GVQW3: variants seen among roughly 807,000 people sequenced by gnomAD.
GVQW3 encodes protein GVQW3.
In GVQW3, 7 loss-of-function variants were observed where a neutral mutation model predicts 12.5. The observed-to-expected ratio is 0.56, with a 90% confidence interval of 0.32 to 1.05. GVQW3 has a LOEUF of 1.05. Ranked by LOEUF, GVQW3 falls within the 50% of genes least tolerant of loss-of-function variation. The pLI is 0.04. For synonymous variants in GVQW3, 71 were observed against 67.2 expected, an observed-to-expected ratio of 1.06 and a Z score of -0.28; for missense variants, 188 against 190.8, an observed-to-expected ratio of 0.99 and a Z score of 0.09.
chr11:76,386,333 G>T (rs1946833103), intron 1 of GVQW3, among the ~76,000 whole-genome samples: 1 of 152,130 alleles, frequency 6.6e-6, no homozygotes, highest in African/African-American at 2.4e-5. Context: ...ACATGTGGAG[G>T]GTTCTGCCAT....
At chr11:76,388,698 CTT>C (rs887503158) in intron 1 of GVQW3, among the ~76,000 whole-genome samples, 10 of 152,120 alleles carry the variant, frequency 6.6e-5, no homozygotes, top group African/African-American at 2.4e-4. Context: ...ACTCTTCACT[CTT>C]GCAAATTTTC....
At chr11:76,414,350 C>A (rs1339064688) in exon 2 of GVQW3, 1 of 152,036 alleles carries the variant, frequency 6.6e-6, no homozygotes, top group East Asian at 1.9e-4. Context: ...TCCAATCCCC[C>A]CAAGCAGAGT....
rs1474750226 is a variant in GVQW3 at position 76,406,635 on chromosome 11, T to A, written c.*2877T>A. 1.3e-5 allele frequency: 2 copies of A among 152,242 alleles called. No individual in the cohort carries two copies. Among genetic ancestry groups the A allele is most frequent in the Non-Finnish European group, 2.9e-5 (2 of 68,046 alleles). 9.4% of individuals were successfully genotyped at this position (152,242 alleles called of 1,614,324 possible). A position where few individuals can be genotyped will look rare whatever the true frequency, so the allele number is the denominator to read the frequency against. The stretch of plus-strand genomic sequence containing the variant: ...AAAACAGAATCTATTGTAATTTAGA[T>A]GCAAAAGAATGTGTTGTCTGCTTTG... On this transcript the variant is annotated 3_prime_UTR_variant, in exon 2 of 2. Transcript: ENST00000529331.
downstream of GVQW3, chr11:76,412,161 C>T (rs1331826417): frequency 6.6e-6 from 1 of 152,182 alleles, no homozygotes; most frequent in East Asian, 1.9e-4. Flanking sequence ...TGTGAGGGAT[C>T]GGAGTTGGAT....
Position 76,382,505 on chromosome 11 carries a change from C to A in GVQW3, c.465+212C>A, listed in dbSNP as rs2134530048. The A allele has an allele frequency of 4.9e-6, 3 of 614,848 alleles. No individual in the cohort carries two copies. The South Asian group carries it at 5.7e-5, about 12-fold the overall frequency. The allele number at this position is 614,848 out of a possible 1,614,324, so 38.1% of individuals were successfully genotyped here. A position where few individuals can be genotyped will look rare whatever the true frequency, so the allele number is the denominator to read the frequency against. On this transcript the variant is annotated intron_variant, in intron 1 of 1. Coordinates refer to ENST00000529331, the MANE Select transcript of GVQW3 (RefSeq NM_001347885.2). ...GAACCAGAACTAGGATGCTGCCTCACTGTTAGGCACCTTCTTTGGCTGCTC... is the reference window on the plus strand; with the variant it reads ...GAACCAGAACTAGGATGCTGCCTCAATGTTAGGCACCTTCTTTGGCTGCTC...
rs759337502 is a variant in GVQW3, at chr11:76,407,059, C to T, written c.*3301C>T. On this transcript the variant is annotated 3_prime_UTR_variant, in exon 2 of 2. Transcript: ENST00000529331. ...AAATAAATAAATAAATATGCCCTCC[C>T]AGGTTGACATCTTGGAAGAGGATAA... 1 of 151,902 alleles carries T rather than the reference C, an allele frequency of 6.6e-6. No homozygotes were observed. The highest frequency in any genetic ancestry group is 1.5e-5 in the Non-Finnish European group (1 of 67,970). The allele number at this position is 151,902 out of a possible 1,614,324, so 9.4% of individuals were successfully genotyped here.
chr11:76,381,661 G>A lies in GVQW3; in HGVS notation c.-168G>A. 1 of 634,554 alleles carries A rather than the reference G, an allele frequency of 1.6e-6. No homozygotes were observed. Among genetic ancestry groups the A allele is most frequent in the East Asian group, 2.9e-5 (1 of 34,768 alleles). The allele number at this position is 634,554 out of a possible 1,614,324, so 39.3% of individuals were successfully genotyped here. A position where few individuals can be genotyped will look rare whatever the true frequency, so the allele number is the denominator to read the frequency against. ...GAACGGATCTCCCCAGCCTCGACTGGAAGCTGAGGGACAAAAATTCATAAA... is the reference window on the plus strand; with the variant it reads ...GAACGGATCTCCCCAGCCTCGACTGAAAGCTGAGGGACAAAAATTCATAAA... On this transcript the variant is annotated 5_prime_UTR_variant, in exon 1 of 2. Transcript: ENST00000529331.
chr11:76,381,700 T>G lies in GVQW3; in HGVS notation c.-129T>G, dbSNP rs1946770101. The G allele has an allele frequency of 3.4e-6, 3 of 876,638 alleles. No homozygotes were observed. The African/African-American group carries it at 5.1e-5, about 15-fold the overall frequency. The allele number at this position is 876,638 out of a possible 1,614,324, so 54.3% of individuals were successfully genotyped here. A position where few individuals can be genotyped will look rare whatever the true frequency, so the allele number is the denominator to read the frequency against. On this transcript the variant is annotated 5_prime_UTR_variant, in exon 1 of 2. Transcript: ENST00000529331. ...AAAATTCATAAAAGCAATTACTCTT[T>G]CCCGGCGAGGCTTCTAGAAGAGCAA... is the stretch of plus-strand genomic sequence containing the variant.
At chr11:76,386,148 A>G (rs1946831496) in intron 1 of GVQW3, among the ~76,000 whole-genome samples, 1 of 152,196 alleles carries the variant, frequency 6.6e-6, no homozygotes, top group South Asian at 2.1e-4. Context: ...GGAATGTTTT[A>G]TGCCACAGCT....
At chr11:76,411,979 C>T (rs1947082701), downstream of GVQW3, 1 of 152,244 alleles carries the variant, frequency 6.6e-6, no homozygotes, top group Admixed American at 6.5e-5. Context: ...ATAGCTTTAA[C>T]TCTCTTCCTC....
chr11:76,402,334 C>T (rs1175388115), intron 1 of GVQW3, among the ~76,000 whole-genome samples: 6 of 152,120 alleles, frequency 3.9e-5, no homozygotes, highest in Non-Finnish European at 7.4e-5. Context: ...GGGTGGATCA[C>T]GTGTGGTTAG....
intron 1 of GVQW3, 180 bp downstream of exon 1, chr11:76,382,473 G>C: frequency 1.6e-6 from 1 of 639,904 alleles, no homozygotes; most frequent in Non-Finnish European, 2.8e-6. Context: ...AGGAATGTGA[G>C]TTAGCTGAAC....
intron 1 of GVQW3, among the ~76,000 whole-genome samples, chr11:76,400,523 C>T (rs750757789): frequency 3.8e-4 from 58 of 152,218 alleles, no homozygotes; most frequent in Admixed American, 1.2e-3. Flanking sequence ...TGGGTTCGAG[C>T]GATTCTCTTG....
chr11:76,399,793 T>G (rs1201456742), intron 1 of GVQW3, among the ~76,000 whole-genome samples: 3 of 152,096 alleles, frequency 2.0e-5, no homozygotes, highest in African/African-American at 7.2e-5. Flanking sequence ...ACACCAGCTC[T>G]TTTTTTGGGT....
chr11:76,394,378 C>G (rs1946921247), intron 1 of GVQW3, among the ~76,000 whole-genome samples: 1 of 151,322 alleles, frequency 6.6e-6, no homozygotes, highest in Non-Finnish European at 1.5e-5. Flanking sequence ...TCATTCTACT[C>G]TCTGTCTCCA....
chr11:76,382,182 T>C lies in GVQW3; in HGVS notation c.354T>C (p.Ser118=), dbSNP rs1404480752. 2 of 1,536,208 alleles carry C rather than the reference T, an allele frequency of 1.3e-6. No individual in the cohort carries two copies. Among genetic ancestry groups the C allele is most frequent in the South Asian group, 1.2e-5 (1 of 84,066 alleles). ...LKENLNMRKI[S]AKVISGVLKG... is the part of the protein sequence containing the mutation. ...AAAACTTGAACATGAGGAAGATTTC[T>C]GCAAAAGTTATTTCGGGTGTTTTGA... The change falls in exon 1 of 2, where the codon TCT becomes TCC. Residue 118 remains serine (S), a synonymous_variant. Transcript: ENST00000529331.
At chr11:76,386,671 C>T (rs1455049671) in intron 1 of GVQW3, among the ~76,000 whole-genome samples, 1 of 152,158 alleles carries the variant, frequency 6.6e-6, no homozygotes. Context: ...AATAAGAGCC[C>T]ACCTTTGCTG....
chr11:76,387,292 C>T lies in GVQW3; in HGVS notation c.465+4999C>T, dbSNP rs145844299. Among the ~76,000 whole-genome samples, 127 of 151,940 alleles carry T rather than the reference C, an allele frequency of 8.4e-4. 1 individual carries two copies. The East Asian group carries it at 0.016, about 19-fold the overall frequency. ...CTCTACTAAAAATATAAAAATTAGC[C>T]GGGCGTGGTGGTGTGTGTCTGTAAT... On this transcript the variant is annotated intron_variant, in intron 1 of 1. Coordinates refer to ENST00000529331, the MANE Select transcript of GVQW3 (RefSeq NM_001347885.2).
chr11:76,389,917 T>G (rs1233831319), intron 1 of GVQW3: 1 of 152,226 alleles, frequency 6.6e-6, no homozygotes, highest in East Asian at 1.9e-4. Flanking sequence ...TTAGTCATCT[T>G]AATGTTGTAA....
Sources: gnomAD v4.1 joint callset for allele counts (sites outside exome capture counted in the v4.1 genomes callset) on GRCh38, gnomAD v4.1.1 for gene constraint, MANE v1.5 for transcripts, NCBI Gene and HGNC (gene_info 2026-07-23, HGNC 2026-07-21) for gene names.